Variants in DOCK1 observed in about 807,000 individuals in gnomAD.
The protein encoded by DOCK1 is dedicator of cytokinesis protein 1.
In DOCK1, 138 loss-of-function variants were observed where a neutral mutation model predicts 262.7. That is an observed-to-expected ratio of 0.53 (90% confidence interval 0.46 to 0.61). DOCK1 has a LOEUF of 0.61. DOCK1 is among the 20% of genes least tolerant of loss of function. The probability of loss-of-function intolerance (pLI) is 0.00; values close to 1 mark genes in which losing one functional copy is unlikely to be tolerated. For synonymous variants in DOCK1, 866 were observed against 867.4 expected (o/e 1.00, Z 0.03); for missense variants, 1,908 against 2,370.7 (o/e 0.80, Z 4.05).
intron 23 of DOCK1, among the ~76,000 whole-genome samples, chr10:127,094,422 CT>C (rs980410474): frequency 6.6e-6 from 1 of 152,124 alleles, no homozygotes; most frequent in Admixed American, 6.5e-5. Flanking sequence ...TCTGCATTCA[CT>C]TTTTGCTCTA....
chr10:127,346,609 C>T (rs768220704), intron 31 of DOCK1, among the ~76,000 whole-genome samples: 10 of 151,580 alleles, frequency 6.6e-5, no homozygotes, highest in Admixed American at 1.3e-4. Context: ...AAAACCAAAA[C>T]GAAAAGAAAA....
intron 47 of DOCK1, among the ~76,000 whole-genome samples, chr10:127,428,485 A>T (rs1186227996): frequency 8.6e-6 from 1 of 116,848 alleles, no homozygotes; most frequent in Non-Finnish European, 1.8e-5. Flanking sequence ...TTGGGGTGTC[A>T]TGTGGATTGG....
chr10:127,166,645 A>G (rs1228603400), intron 27 of DOCK1, among the ~76,000 whole-genome samples: 1 of 152,332 alleles, frequency 6.6e-6, no homozygotes, highest in Non-Finnish European at 1.5e-5. Flanking sequence ...GGTCATCTGT[A>G]TGGGGATTCT....
At chr10:127,153,712 A>T (rs1396166916) in intron 27 of DOCK1, 1 of 658,592 alleles carries the variant, frequency 1.5e-6, no homozygotes, top group African/African-American at 1.8e-5. Flanking sequence ...GAGGTAGCTT[A>T]GAATTACAGT....
At chr10:127,145,900 G>A (rs562936276) in intron 27 of DOCK1, 3 of 470,138 alleles carry the variant, frequency 6.4e-6, no homozygotes, top group South Asian at 1.6e-5. Flanking sequence ...CGGTCTAAAC[G>A]TCAGCCTGTG....
intron 28 of DOCK1, among the ~76,000 whole-genome samples, chr10:127,249,536 GT>G (rs1261248871): frequency 2.6e-5 from 4 of 152,058 alleles, no homozygotes; most frequent in Non-Finnish European, 4.4e-5. Context: ...GCCTCATAGT[GT>G]GTACCCTTAC....
At chr10:127,238,418 C>A (rs923140707) in intron 27 of DOCK1, among the ~76,000 whole-genome samples, 1 of 152,142 alleles carries the variant, frequency 6.6e-6, no homozygotes, top group Non-Finnish European at 1.5e-5. Flanking sequence ...GGTTTCAGTG[C>A]CCATTGAGGA....
chr10:127,286,548 T>C (rs1174833632), intron 29 of DOCK1, among the ~76,000 whole-genome samples: 1 of 152,206 alleles, frequency 6.6e-6, no homozygotes, highest in Non-Finnish European at 1.5e-5. Flanking sequence ...TTAACCATCG[T>C]TCACCTTTAC....
chr10:126,917,937 T>G (rs2032698330), intron 1 of DOCK1, among the ~76,000 whole-genome samples: 1 of 152,204 alleles, frequency 6.6e-6, no homozygotes, highest in Admixed American at 6.5e-5. Context: ...TCTGGGGTGA[T>G]GGAACTCTGG....
chr10:127,250,179 G>T (rs1417455108), intron 28 of DOCK1, among the ~76,000 whole-genome samples: 1 of 152,222 alleles, frequency 6.6e-6, no homozygotes, highest in East Asian at 1.9e-4. Context: ...ACCTGGAAAA[G>T]TCAGGACTCC....
chr10:127,059,468 C>T (rs1447802453), intron 22 of DOCK1, among the ~76,000 whole-genome samples: 1 of 152,170 alleles, frequency 6.6e-6, no homozygotes, highest in Non-Finnish European at 1.5e-5. Flanking sequence ...CCTGCACATT[C>T]CTAGCCCTCT....
chr10:126,996,557 T>TG (rs2135095727), intron 6 of DOCK1, among the ~76,000 whole-genome samples, 191 bp from the exon 7 acceptor site: 1 of 138,770 alleles, frequency 7.2e-6, no homozygotes, highest in East Asian at 2.2e-4. Flanking sequence ...TTTTTTTTTT[T>TG]TACTTCTCCC....
chr10:127,168,164 T>G (rs1309344971), intron 27 of DOCK1, among the ~76,000 whole-genome samples: 2 of 152,100 alleles, frequency 1.3e-5, no homozygotes, highest in Non-Finnish European at 1.5e-5. Flanking sequence ...GAGAGCCTGG[T>G]CACCCCACCC....
chr10:127,057,711 A>C (rs954309658), intron 22 of DOCK1, among the ~76,000 whole-genome samples: 2 of 152,294 alleles, frequency 1.3e-5, no homozygotes, highest in Middle Eastern at 3.4e-3. Flanking sequence ...GAATCAAATT[A>C]CTAAATCTAG....
At chr10:127,037,242 C>T (rs1037970803) in intron 18 of DOCK1, among the ~76,000 whole-genome samples, 3 of 152,202 alleles carry the variant, frequency 2.0e-5, no homozygotes, top group African/African-American at 7.2e-5. Flanking sequence ...GCTACTGTAG[C>T]TGTGGGGACT....
chr10:127,180,991 C>T (rs943698576), intron 27 of DOCK1, among the ~76,000 whole-genome samples: 11 of 151,934 alleles, frequency 7.2e-5, no homozygotes, highest in Admixed American at 5.2e-4. Context: ...ATGAAAATAA[C>T]ACAAGGTAAA....
At chr10:127,361,924 C>A in intron 32 of DOCK1, 140 bp from the exon 33 acceptor site, 1 of 930,534 alleles carries the variant, frequency 1.1e-6, no homozygotes, top group Non-Finnish European at 1.6e-6. Flanking sequence ...TCATCATCTG[C>A]AGACGCGAAA....
rs552012765 is a variant in DOCK1 at position 127,174,096 on chromosome 10, A to C, written c.2847+46332A>C. Among the ~76,000 whole-genome samples, 3 of 152,316 alleles carry C rather than the reference A, an allele frequency of 2.0e-5. No individual in the cohort carries two copies. The East Asian group carries it at 5.8e-4, about 29-fold the overall frequency. ...GCAAACTGTCTAACTCAGCCACAGC[A>C]ATCCTCTTAAGGAAACTTTGTGCCC... On this transcript the variant is annotated intron_variant, in intron 27 of 51. Transcript: ENST00000623213.
At position 127,334,251 on chromosome 10, in the gene DOCK1, G is replaced by A. The variant is rs531614651; in HGVS notation, c.3045-4755G>A. ...ATGGACATGAAGCCATTGATAGATA[G>A]ATAGACATACTTGAATTAAGACTTT... On this transcript the variant is annotated intron_variant, in intron 29 of 51. Coordinates refer to ENST00000623213, the MANE Select transcript of DOCK1 (RefSeq NM_001290223.2). 6.6e-5 allele frequency among the ~76,000 whole-genome samples: 10 copies of A among 152,262 alleles called. No individual in the cohort carries two copies. The South Asian group carries it at 2.1e-3, about 32-fold the overall frequency.
Sources: allele counts gnomAD v4.1 joint callset (sites outside exome capture counted in the v4.1 genomes callset), GRCh38; gene constraint gnomAD v4.1.1; transcripts MANE v1.5; gene names NCBI Gene and HGNC (gene_info 2026-07-23, HGNC 2026-07-21).